KDM4C: variants seen among roughly 807,000 people sequenced by gnomAD.
The protein encoded by KDM4C is lysine-specific demethylase 4C.
In KDM4C, 81 loss-of-function variants were observed where a neutral mutation model predicts 129.3. The observed-to-expected ratio is 0.63, with a 90% confidence interval of 0.52 to 0.75. The LOEUF (loss-of-function observed/expected upper bound fraction) is 0.75. KDM4C is among the 30% of genes least tolerant of loss of function. The pLI, the probability that KDM4C is intolerant of heterozygous loss-of-function variation, is 0.00. For missense variants in KDM4C, 1,457 were observed against 1,304.0 expected (o/e 1.12, Z -1.81); for synonymous variants, 573 against 456.1 (o/e 1.26, Z -3.26).
chr9:6,940,755 A>G (rs776983172), intron 8 of KDM4C, among the ~76,000 whole-genome samples: 1 of 152,208 alleles, frequency 6.6e-6, no homozygotes, highest in African/African-American at 2.4e-5. Context: ...TAAGACATGT[A>G]ACTACCATAT....
intron 8 of KDM4C, among the ~76,000 whole-genome samples, chr9:6,934,418 T>C (rs969657071): frequency 1.3e-5 from 2 of 150,632 alleles, no homozygotes; most frequent in African/African-American, 4.9e-5. Flanking sequence ...AGGCGGAGCT[T>C]GCGGTGAGCT....
intron 17 of KDM4C, among the ~76,000 whole-genome samples, chr9:7,083,428 A>G (rs1834761015): frequency 1.3e-5 from 2 of 152,308 alleles, no homozygotes; most frequent in Middle Eastern, 3.4e-3. Flanking sequence ...ATCATTACGC[A>G]GTTTTGTCTG....
chr9:7,074,758 G>A (rs1230184082), intron 17 of KDM4C, among the ~76,000 whole-genome samples: 1 of 152,106 alleles, frequency 6.6e-6, no homozygotes, highest in African/African-American at 2.4e-5. Flanking sequence ...GTTTTGCTGA[G>A]CCTTTTTGGC....
intron 7 of KDM4C, among the ~76,000 whole-genome samples, chr9:6,890,429 C>G (rs1009595465): frequency 1.3e-5 from 2 of 152,182 alleles, no homozygotes; most frequent in African/African-American, 4.8e-5. Context: ...AGTTGGAATA[C>G]ATTTTTTCCT....
intron 17 of KDM4C, among the ~76,000 whole-genome samples, chr9:7,055,961 A>G (rs1169482041): frequency 2.0e-5 from 3 of 152,226 alleles, no homozygotes; most frequent in Admixed American, 1.3e-4. Context: ...TCATCATGCT[A>G]AAAGAAAAGA....
rs973555148 is a variant in KDM4C, at chr9:6,728,091, A to G, written c.49+7094A>G. Among the ~76,000 whole-genome samples, 10 of 128,082 alleles carry G rather than the reference A, an allele frequency of 7.8e-5. 1 individual carries two copies. Among genetic ancestry groups the G allele is most frequent in the Non-Finnish European group, 1.1e-4 (7 of 61,172 alleles). The allele number at this position is 128,082 out of a possible 152,430, so 84.0% of individuals were successfully genotyped here. A position where few individuals can be genotyped will look rare whatever the true frequency, so the allele number is the denominator to read the frequency against. On this transcript the variant is annotated intron_variant, in intron 1 of 17. Coordinates refer to the KDM4C transcript ENST00000536108. ...CAAAAAAAAAAAAAAAAAAAAAAAA[A>G]AAAGTGTTATACACTTGTAATTTTA...
chr9:6,989,463 A>C (rs189389432), intron 11 of KDM4C, among the ~76,000 whole-genome samples: 2 of 152,248 alleles, frequency 1.3e-5, no homozygotes, highest in Non-Finnish European at 2.9e-5. Context: ...GTAAGGATAC[A>C]CATGACTTTC....
intron 9 of KDM4C, chr9:6,982,788 T>C (rs887211385): frequency 1.3e-5 from 2 of 152,202 alleles, no homozygotes; most frequent in Admixed American, 6.5e-5. Context: ...GTGGGCCTTT[T>C]GGGTTGATAG....
At chr9:6,884,111 A>G (rs1259113295) in intron 6 of KDM4C, among the ~76,000 whole-genome samples, 1 of 152,172 alleles carries the variant, frequency 6.6e-6, no homozygotes, top group Non-Finnish European at 1.5e-5. Flanking sequence ...ATCAGTATGA[A>G]GTTCTCCTGG....
Position 6,921,038 on chromosome 9 carries a change from T to C in KDM4C, c.921+27806T>C, listed in dbSNP as rs548877508. 3.9e-5 allele frequency among the ~76,000 whole-genome samples: 6 copies of C among 152,274 alleles called. No homozygotes were observed. In the South Asian group the frequency reaches 1.0e-3, roughly 26 times the overall value. On this transcript the variant is annotated intron_variant, in intron 8 of 21. Transcript: ENST00000381309. Reference sequence around the variant, plus strand: ...TTTTAAATCGGCTTTTCTCCTTGCTTTCTGAGATGGTACACATTTCTTGTT... The same window carrying C: ...TTTTAAATCGGCTTTTCTCCTTGCTCTCTGAGATGGTACACATTTCTTGTT...
chr9:6,994,398 C>A (rs1326807389), intron 12 of KDM4C, among the ~76,000 whole-genome samples: 1 of 152,208 alleles, frequency 6.6e-6, no homozygotes, highest in South Asian at 2.1e-4. Context: ...TGTTTCAATC[C>A]CTTGTCACCA....
At chr9:6,924,698 A>C (rs1207880213) in intron 8 of KDM4C, 2 of 920,682 alleles carry the variant, frequency 2.2e-6, no homozygotes, top group African/African-American at 3.6e-5. Context: ...ACCGATGCAT[A>C]ATGTGTCATC....
chr9:7,036,245 T>C (rs1175259350), intron 15 of KDM4C, among the ~76,000 whole-genome samples: 2 of 152,178 alleles, frequency 1.3e-5, no homozygotes, highest in African/African-American at 4.8e-5. Context: ...TCAAGTACTT[T>C]GCTGTTTGTT....
chr9:6,847,142 G>T (rs559267929), intron 4 of KDM4C, among the ~76,000 whole-genome samples: 2 of 152,294 alleles, frequency 1.3e-5, no homozygotes, highest in Admixed American at 6.5e-5. Flanking sequence ...GAATTTTAGA[G>T]AAATAGTTTG....
intron 15 of KDM4C, among the ~76,000 whole-genome samples, chr9:7,019,244 T>G (rs1052190978): frequency 7.2e-5 from 11 of 152,238 alleles, no homozygotes; most frequent in African/African-American, 2.7e-4. Context: ...GTGGCTGCAA[T>G]GATTGCATTT....
At chr9:6,963,029 G>A (rs1226313951) in intron 8 of KDM4C, among the ~76,000 whole-genome samples, 1 of 152,088 alleles carries the variant, frequency 6.6e-6, no homozygotes, top group Non-Finnish European at 1.5e-5. Context: ...AGGCTTCTTG[G>A]GTTTGAATCT....
intron 5 of KDM4C, among the ~76,000 whole-genome samples, chr9:6,867,010 T>G (rs1351468487): frequency 2.0e-5 from 2 of 98,238 alleles, no homozygotes; most frequent in African/African-American, 9.9e-5. Context: ...TATATATATA[T>G]ATATATATTT....
intron 15 of KDM4C, among the ~76,000 whole-genome samples, chr9:7,042,077 A>T (rs1313213744): frequency 6.6e-6 from 1 of 152,066 alleles, no homozygotes; most frequent in East Asian, 1.9e-4. Context: ...AACCACAGTT[A>T]ATCTTGTGCA....
chr9:7,129,152 G>A (rs1486698163), intron 19 of KDM4C, among the ~76,000 whole-genome samples: 2 of 152,052 alleles, frequency 1.3e-5, no homozygotes, highest in Non-Finnish European at 2.9e-5. Flanking sequence ...GCTTTTGTTT[G>A]TATTTGGAAA....
Sources: allele counts gnomAD v4.1 joint callset (sites outside exome capture counted in the v4.1 genomes callset), GRCh38; gene constraint gnomAD v4.1.1; transcripts MANE v1.5; gene names NCBI Gene and HGNC (gene_info 2026-07-23, HGNC 2026-07-21).